TLK1: variants seen among roughly 807,000 people sequenced by gnomAD.
The protein encoded by TLK1 is tousled like kinase 1, also known as serine/threonine-protein kinase tousled-like 1.
TLK1 carries 24 observed loss-of-function variants against 105.3 expected under a neutral mutation model. The observed-to-expected ratio is 0.23, with a 90% CI of 0.17 to 0.32. TLK1 has a LOEUF of 0.32. TLK1 is among the 10% of genes least tolerant of loss of function. The probability of loss-of-function intolerance (pLI) is 1.00; values close to 1 mark genes in which losing one functional copy is unlikely to be tolerated. For synonymous variants in TLK1, 321 were observed against 310.4 expected, an observed-to-expected ratio of 1.03 and a Z score of -0.36; for missense variants, 558 against 910.5, an observed-to-expected ratio of 0.61 and a Z score of 4.98.
rs1693167595 is a variant in TLK1 at position 171,192,202 on chromosome 2, G to A, written c.-6+38943C>T. Among the ~76,000 whole-genome samples the A allele has an allele frequency of 2.0e-5, 3 of 151,964 alleles. No homozygotes were observed. In the South Asian group the frequency reaches 6.2e-4, roughly 32 times the overall value. ...CACCACCATGTTGGCTAATTTTTTT[G>A]TACTTTTTGTCAGACGGGGTTTTGC... On this transcript the variant is annotated intron_variant, in intron 1 of 20. Transcript: ENST00000521943.
intron 1 of TLK1, among the ~76,000 whole-genome samples, chr2:171,155,191 G>A (rs756829589): frequency 2.6e-5 from 4 of 151,994 alleles, no homozygotes; most frequent in South Asian, 2.1e-4. Context: ...CTGAAATCAC[G>A]TAAACAATTA....
At chr2:171,052,733 A>T (rs1298478088) in intron 8 of TLK1, among the ~76,000 whole-genome samples, 1 of 152,236 alleles carries the variant, frequency 6.6e-6, no homozygotes, top group African/African-American at 2.4e-5. Flanking sequence ...AAAATTTAAA[A>T]TAGTGGTTAA....
intron 1 of TLK1, among the ~76,000 whole-genome samples, chr2:171,186,358 G>C (rs1035938210): frequency 6.6e-6 from 1 of 152,190 alleles, no homozygotes; most frequent in South Asian, 2.1e-4. Flanking sequence ...CTGATTACCA[G>C]TGATTCTCAG....
In TLK1 at chr2:171,160,271, CGG is replaced by C; in HGVS notation, c.139+17_139+18del. 1 of 1,507,418 alleles carries C rather than the reference CGG, an allele frequency of 6.6e-7. No individual in the cohort carries two copies. Among genetic ancestry groups the C allele is most frequent in the Non-Finnish European group, 8.8e-7 (1 of 1,133,632 alleles). The allele number at this position is 1,507,418 out of a possible 1,614,324, so 93.4% of individuals were successfully genotyped here. On this transcript the variant is annotated intron_variant, in intron 1 of 20. Transcript: ENST00000431350. This position sits in a 1 kb window ranked among gnomAD's most constrained non-coding sequence, Gnocchi z 4.4. Reference sequence around the variant, plus strand: ...GGGAGAGGAGGCCCGCGAGCGGGCGCGGGCGCGGCGGTGCTTACCTTCCCTGG... The same window carrying C: ...GGGAGAGGAGGCCCGCGAGCGGGCGCGCGCGGCGGTGCTTACCTTCCCTGG...
At chr2:171,043,395 G>A (rs1323282727) in intron 11 of TLK1, among the ~76,000 whole-genome samples, 1 of 152,162 alleles carries the variant, frequency 6.6e-6, no homozygotes, top group South Asian at 2.1e-4. Context: ...GCTAGATAAC[G>A]AAGAAGGAGC....
chr2:170,995,185 A>ATT (rs1257174929), intron 20 of TLK1, among the ~76,000 whole-genome samples: 12 of 152,186 alleles, frequency 7.9e-5, no homozygotes, highest in African/African-American at 2.9e-4. Flanking sequence ...CTGATATGTT[A>ATT]GAGTTTGAGG....
intron 1 of TLK1, among the ~76,000 whole-genome samples, chr2:171,219,911 T>C (rs1285363295): frequency 6.6e-6 from 1 of 152,066 alleles, no homozygotes; most frequent in African/African-American, 2.4e-5. Flanking sequence ...TCTGGGGTCC[T>C]TTTTTAAGGG....
chr2:171,059,574 C>T (rs1330421010), intron 4 of TLK1, among the ~76,000 whole-genome samples: 1 of 152,060 alleles, frequency 6.6e-6, no homozygotes, highest in East Asian at 1.9e-4. Context: ...TACAGATGGC[C>T]TGATTTTTTT....
At chr2:171,170,980 C>A (rs1014147828) in intron 1 of TLK1, among the ~76,000 whole-genome samples, 1 of 152,070 alleles carries the variant, frequency 6.6e-6, no homozygotes, top group African/African-American at 2.4e-5. Flanking sequence ...CGTACTTTGA[C>A]CCTTACCTCA....
At chr2:171,106,604 A>C (rs1298693668) in intron 2 of TLK1, among the ~76,000 whole-genome samples, 2 of 152,204 alleles carry the variant, frequency 1.3e-5, no homozygotes, top group African/African-American at 4.8e-5. Flanking sequence ...CAATACTCCT[A>C]GATAATGTAT....
rs1439353052 is a variant in TLK1, at chr2:171,101,435, G to C, written c.258+16304C>G. On this transcript the variant is annotated intron_variant, in intron 2 of 20. Transcript: ENST00000431350. ...AATGTCCAGAACAAGCAAATCCAGA[G>C]ATACAGAAAGTAGACTGGTGGTTGC... 2.7e-5 allele frequency among the ~76,000 whole-genome samples: 4 copies of C among 150,254 alleles called. No individual in the cohort carries two copies. The East Asian group carries it at 7.7e-4, about 29-fold the overall frequency.
intron 1 of TLK1, among the ~76,000 whole-genome samples, chr2:171,135,299 GTGTT>G (rs1691262297): frequency 1.9e-5 from 2 of 106,990 alleles, no homozygotes; most frequent in Non-Finnish European, 3.7e-5. Flanking sequence ...CATTATGTGT[GTGTT>G]TGTGTGTGTG....
At chr2:171,150,139 C>G (rs1339915149) in intron 1 of TLK1, among the ~76,000 whole-genome samples, 2 of 152,086 alleles carry the variant, frequency 1.3e-5, no homozygotes, top group Non-Finnish European at 2.9e-5. Flanking sequence ...TTGAACCCTA[C>G]CTGGTTCAAA....
At chr2:171,132,413 T>C (rs556882026) in intron 1 of TLK1, among the ~76,000 whole-genome samples, 1 of 152,076 alleles carries the variant, frequency 6.6e-6, no homozygotes, top group East Asian at 1.9e-4. Flanking sequence ...ATATCAACAG[T>C]AGTCATATAT....
chr2:171,006,038 A>G (rs1684636148), intron 18 of TLK1, 109 bp downstream of exon 18: 5 of 1,157,398 alleles, frequency 4.3e-6, no homozygotes, highest in Non-Finnish European at 5.9e-6. Context: ...CAGTACCTTT[A>G]CCACAGTAAT....
chr2:171,063,604 T>C (rs1291953572), intron 3 of TLK1, among the ~76,000 whole-genome samples: 1 of 152,150 alleles, frequency 6.6e-6, no homozygotes, highest in African/African-American at 2.4e-5. Flanking sequence ...AACAGTTGTA[T>C]TGGAAACAGC....
At chr2:171,093,659 T>TAA (rs34086607) in intron 2 of TLK1, among the ~76,000 whole-genome samples, 76 of 147,656 alleles carry the variant, frequency 5.1e-4, no homozygotes, top group Non-Finnish European at 1.0e-3. Context: ...GTGAAACCAT[T>TAA]AAAAAAAAAA....
At chr2:171,205,090 G>A (rs1693478696) in intron 1 of TLK1, among the ~76,000 whole-genome samples, 2 of 152,146 alleles carry the variant, frequency 1.3e-5, no homozygotes, top group Non-Finnish European at 2.9e-5. Context: ...GCTCATGCCT[G>A]TAATACCAGC....
In TLK1 at chr2:171,181,073, G is replaced by A. The variant is rs561061938; in HGVS notation, c.-6+50072C>T. 5.3e-5 allele frequency among the ~76,000 whole-genome samples: 8 copies of A among 152,292 alleles called. 1 individual carries two copies. The highest frequency in any genetic ancestry group is 1.9e-4 in the African/African-American group (8 of 41,570). ...CAAAAACAATAAAGGTTTGCCATTT[G>A]TTCTGATCTTTCAACAGAAGCTGGA... is the stretch of plus-strand genomic sequence containing the variant. On this transcript the variant is annotated intron_variant, in intron 1 of 20. Coordinates refer to the TLK1 transcript ENST00000521943.
Sources: gnomAD v4.1 joint callset for allele counts (sites outside exome capture counted in the v4.1 genomes callset) on GRCh38, gnomAD v4.1.1 for gene constraint, Gnocchi (gnomAD v3.1) non-coding constraint, MANE v1.5 for transcripts, NCBI Gene and HGNC (gene_info 2026-07-23, HGNC 2026-07-21) for gene names.